The following FABP7 variants were observed in gnomAD, a reference collection of about 807,000 sequenced individuals.
FABP7 encodes fatty acid binding protein 7.
FABP7 carries 13 observed loss-of-function variants against 14.2 expected under a neutral mutation model. The ratio of observed to expected loss-of-function variants is 0.91; its 90% CI spans 0.59 to 1.45. The LOEUF (loss-of-function observed/expected upper bound fraction) is 1.45. Among genes scored for constraint, FABP7 ranks in the 40% most tolerant of loss-of-function variants. FABP7 has a pLI of 0.00. For synonymous variants in FABP7, 49 were observed against 51.4 expected (o/e 0.95, Z 0.20); for missense variants, 149 against 157.6 (o/e 0.95, Z 0.29).
At chr6:122,774,415 G>A in the FABP7 span, among the ~76,000 whole-genome samples, 3 of 132,244 alleles carry the variant, frequency 2.3e-5, no homozygotes, top group Admixed American at 1.5e-4. Context: ...GGAAAAGAAA[G>A]CTTGTAAAAA....
At chr6:122,750,014 A>G in the FABP7 span, among the ~76,000 whole-genome samples, 1 of 152,226 alleles carries the variant, frequency 6.6e-6, no homozygotes, top group Non-Finnish European at 1.5e-5. Flanking sequence ...TACCAGCTCA[A>G]CTAGCTGAAA....
intron 2 of FABP7, among the ~76,000 whole-genome samples, chr6:122,780,676 C>G (rs1352004436): frequency 4.6e-5 from 7 of 152,092 alleles, no homozygotes; most frequent in Admixed American, 3.9e-4. Flanking sequence ...GTATTTGTCT[C>G]TTACCATATA....
chr6:122,756,881 C>G, the FABP7 span, among the ~76,000 whole-genome samples: 1 of 152,088 alleles, frequency 6.6e-6, no homozygotes, highest in African/African-American at 2.4e-5. Flanking sequence ...CCTTGTTTTC[C>G]TCTCATTTCA....
chr6:122,777,136 A>G (rs1780688999), upstream of FABP7, among the ~76,000 whole-genome samples: 1 of 152,238 alleles, frequency 6.6e-6, no homozygotes, highest in South Asian at 2.1e-4. Context: ...CCTGCTCTCA[A>G]CAATTTTATG....
the FABP7 span, among the ~76,000 whole-genome samples, chr6:122,764,664 C>T: frequency 2.0e-5 from 3 of 152,098 alleles, no homozygotes; most frequent in Admixed American, 6.5e-5. Context: ...TAAGTCAAAA[C>T]GATGGCAATT....
chr6:122,775,704 C>CAA (rs141823193), upstream of FABP7, among the ~76,000 whole-genome samples: 44,236 of 149,444 alleles, frequency 0.3, 7,153 homozygotes, highest in East Asian at 0.57. Flanking sequence ...ACAACAACAA[C>CAA]AAAAAAAACA....
chr6:122,782,552 A>T (rs1780817882), intron 3 of FABP7: 1 of 984,846 alleles, frequency 1.0e-6, no homozygotes. Context: ...GAGAAATATT[A>T]TGCCTTCACC....
the FABP7 span, among the ~76,000 whole-genome samples, chr6:122,767,838 G>A: frequency 6.6e-6 from 1 of 151,356 alleles, no homozygotes; most frequent in Admixed American, 6.6e-5. Context: ...ACCTTGGGTA[G>A]GTGGTTTCCT....
intron 1 of FABP7, 88 bp from the exon 2 acceptor site, chr6:122,780,203 G>A (rs2171068): frequency 7.3e-7 from 1 of 1,372,892 alleles, no homozygotes; most frequent in Non-Finnish European, 1.0e-6. Context: ...ACTTTAGAAC[G>A]TGGATTCCAG....
chr6:122,762,140 A>C, the FABP7 span, among the ~76,000 whole-genome samples: 1 of 152,234 alleles, frequency 6.6e-6, no homozygotes, highest in African/African-American at 2.4e-5. Context: ...AAAAATCCTC[A>C]ATAAAATACT....
At chr6:122,767,456 G>A in the FABP7 span, among the ~76,000 whole-genome samples, 39 of 151,892 alleles carry the variant, frequency 2.6e-4, no homozygotes, top group Admixed American at 9.8e-4. Context: ...AGAGGACTTC[G>A]GTAAATCACA....
chr6:122,782,981 A>G (rs941883046), intron 3 of FABP7: 3 of 985,436 alleles, frequency 3.0e-6, no homozygotes, highest in Middle Eastern at 5.2e-4. Flanking sequence ...CGTGGCATGC[A>G]TGACTATGAT....
At chr6:122,773,633 GA>G in the FABP7 span, among the ~76,000 whole-genome samples, 1 of 152,164 alleles carries the variant, frequency 6.6e-6, no homozygotes, top group Non-Finnish European at 1.5e-5. Context: ...GTAAGAAAGA[GA>G]ACCTCAAGCA....
the FABP7 span, among the ~76,000 whole-genome samples, chr6:122,769,906 G>T: frequency 2.0e-5 from 3 of 152,170 alleles, no homozygotes; most frequent in East Asian, 5.8e-4. Flanking sequence ...ATTTTATGCT[G>T]CTAAAATTCA....
the FABP7 span, among the ~76,000 whole-genome samples, chr6:122,760,712 T>C: frequency 6.6e-6 from 1 of 152,142 alleles, no homozygotes; most frequent in African/African-American, 2.4e-5. Flanking sequence ...TAAGTGGTTC[T>C]TTTTTACAAA....
At chr6:122,777,029 C>T (rs1405014057), upstream of FABP7, among the ~76,000 whole-genome samples, 1 of 152,120 alleles carries the variant, frequency 6.6e-6, no homozygotes, top group Non-Finnish European at 1.5e-5. Context: ...ATCTCATATT[C>T]TTTATCTAGA....
intron 3 of FABP7, 27 bp from the exon 4 acceptor site, chr6:122,783,689 AG>A: frequency 6.3e-7 from 1 of 1,575,986 alleles, no homozygotes; most frequent in Non-Finnish European, 8.6e-7. Context: ...CTGTATAAAA[AG>A]ATTTGATTAT....
chr6:122,782,316 G>A (rs1220503179), intron 3 of FABP7: 2 of 629,184 alleles, frequency 3.2e-6, no homozygotes, highest in Admixed American at 6.3e-5. Flanking sequence ...AGATCAAGGC[G>A]ACCCTAGTGT....
chr6:122,779,725 C>G lies in FABP7; in HGVS notation c.-70C>G. 2 of 1,478,974 alleles carry G rather than the reference C, an allele frequency of 1.4e-6. No individual in the cohort carries two copies. Among genetic ancestry groups the G allele is most frequent in the Non-Finnish European group, 1.9e-6 (2 of 1,062,140 alleles). The allele number at this position is 1,478,974 out of a possible 1,614,324, so 91.6% of individuals were successfully genotyped here. ...AGCTGCTTGCTGAGGTGTAAAGGGT[C>G]TTCTGAGCTGCAGTGGCAATTAGAC... On this transcript the variant is annotated 5_prime_UTR_variant, in exon 1 of 4. Transcript: ENST00000368444.
Sources: gnomAD v4.1 joint callset for allele counts (sites outside exome capture counted in the v4.1 genomes callset) on GRCh38, gnomAD v4.1.1 for gene constraint, MANE v1.5 for transcripts, NCBI Gene and HGNC (gene_info 2026-07-23, HGNC 2026-07-21) for gene names.